Variants in IWS1 observed in about 807,000 individuals in gnomAD.
The protein encoded by IWS1 is interacts with SUPT6H, CTD assembly factor 1, also known as protein IWS1 homolog.
In IWS1, 27 loss-of-function variants were observed where a neutral mutation model predicts 86.7. The observed-to-expected ratio is 0.31, with a 90% confidence interval of 0.23 to 0.43. The LOEUF is 0.43. IWS1 is among the 20% of genes least tolerant of loss of function. IWS1 has a pLI of 1.00. For synonymous variants in IWS1, 313 were observed against 335.1 expected, an observed-to-expected ratio of 0.93 and a Z score of 0.72; for missense variants, 827 against 1,000.8, an observed-to-expected ratio of 0.83 and a Z score of 2.34.
At position 127,505,335 on chromosome 2, in the gene IWS1, G is replaced by A. The variant is rs1691074230; in HGVS notation, c.568C>T (p.Pro190Ser). 1 of 1,613,980 alleles carries A rather than the reference G, an allele frequency of 6.2e-7. No individual in the cohort carries two copies. The highest frequency in any genetic ancestry group is 8.5e-7 in the Non-Finnish European group (1 of 1,179,984). The change falls in exon 3 of 14, where the codon CCC (proline) becomes TCC (serine). Residue 190 changes from proline (P) to serine (S), a missense_variant. By Grantham distance (74) the Pro-to-Ser change is moderately conservative. Around this residue, in one of 2 missense-constraint regions of IWS1, gnomAD observed 548 missense variants for 560.2 expected, o/e 0.98. Coordinates refer to ENST00000295321, the MANE Select transcript of IWS1 (RefSeq NM_017969.3). The surrounding 1 kb of genome is among the most constrained non-coding windows in gnomAD (Gnocchi z 5.0). ...GAGTCACTGGCTTGGTGCCTTGGGG[G>A]TTCCTCACTCTCAGAGTCACTGATT... ...PQISDSESEE[P>S]PRHQASDSEN... is the part of the protein sequence containing the mutation.
chr2:127,525,866 T>G (rs1178929583), intron 1 of IWS1, among the ~76,000 whole-genome samples: 2 of 152,226 alleles, frequency 1.3e-5, no homozygotes, highest in African/African-American at 4.8e-5. Flanking sequence ...ACTCAACTAC[T>G]GAAAACTCTC....
At chr2:127,493,726 A>C (rs966020137) in intron 8 of IWS1, among the ~76,000 whole-genome samples, 1 of 152,070 alleles carries the variant, frequency 6.6e-6, no homozygotes, top group Non-Finnish European at 1.5e-5. Flanking sequence ...TAAAAAAAAA[A>C]AACGTTCAAT....
Position 127,526,458 on chromosome 2 carries a change from C to T in IWS1, c.-250G>A, listed in dbSNP as rs1394607413. ...GGCATGCGAGCCGGCGTTCTACTTC[C>T]TAGAAGCACCGCTGGGGCCAAAATG... On this transcript the variant is annotated 5_prime_UTR_variant, in exon 1 of 14. Transcript: ENST00000295321. 1.3e-6 allele frequency: 2 copies of T among 1,532,160 alleles called. No homozygotes were observed. Among genetic ancestry groups the T allele is most frequent in the East Asian group, 5.0e-5 (2 of 40,166 alleles). 94.9% of individuals were successfully genotyped at this position (1,532,160 alleles called of 1,614,324 possible).
chr2:127,506,229 G>C (rs536953261), intron 2 of IWS1, among the ~76,000 whole-genome samples: 5 of 152,062 alleles, frequency 3.3e-5, no homozygotes, highest in Non-Finnish European at 5.9e-5. Context: ...TTAGCTGGGC[G>C]TGGTGGTGGA....
rs530119695 is a variant in IWS1 at position 127,489,027 on chromosome 2, C to T, written c.2216+152G>A. ...AATTTTCCTTACATCCCCAGAGTAC[C>T]CAATACAATGCTTTGTAGATACTAA... On this transcript the variant is annotated intron_variant, in intron 12 of 13. Coordinates refer to ENST00000295321, the MANE Select transcript of IWS1 (RefSeq NM_017969.3). The surrounding 1 kb of genome is among the most constrained non-coding windows in gnomAD (Gnocchi z 4.8). 211 of 569,656 alleles carry T rather than the reference C, an allele frequency of 3.7e-4. No individual in the cohort carries two copies. The highest frequency in any genetic ancestry group is 6.4e-4 in the Non-Finnish European group (203 of 315,626). 35.3% of individuals were successfully genotyped at this position (569,656 alleles called of 1,614,324 possible). A position where few individuals can be genotyped will look rare whatever the true frequency, so the allele number is the denominator to read the frequency against.
chr2:127,520,765 C>T (rs1165555455), intron 2 of IWS1, among the ~76,000 whole-genome samples: 3 of 152,124 alleles, frequency 2.0e-5, no homozygotes, highest in African/African-American at 4.8e-5. Context: ...AAAATGATCA[C>T]AAATGTTTAT....
At chr2:127,516,280 T>A (rs1691768320) in intron 2 of IWS1, among the ~76,000 whole-genome samples, 1 of 152,052 alleles carries the variant, frequency 6.6e-6, no homozygotes, top group South Asian at 2.1e-4. Context: ...CTCTTCAACC[T>A]GGGCAGTGAG....
intron 1 of IWS1, among the ~76,000 whole-genome samples, chr2:127,525,414 A>T (rs568635261): frequency 1.3e-5 from 2 of 152,140 alleles, no homozygotes; most frequent in African/African-American, 4.8e-5. Flanking sequence ...TTAATTTTCA[A>T]TTTTTGTGGG....
intron 2 of IWS1, chr2:127,506,681 T>A (rs1035178573): frequency 4.2e-5 from 7 of 168,444 alleles, no homozygotes; most frequent in African/African-American, 1.4e-4. Context: ...GATAACAAAA[T>A]TGAGGCTTAC....
chr2:127,524,855 A>G (rs1271460214), intron 1 of IWS1, among the ~76,000 whole-genome samples: 1 of 148,624 alleles, frequency 6.7e-6, no homozygotes, highest in Non-Finnish European at 1.5e-5. Context: ...AACTATTCTG[A>G]AAGTATCAGG....
intron 9 of IWS1, chr2:127,492,615 T>C (rs535455651): frequency 2.0e-5 from 3 of 152,992 alleles, no homozygotes; most frequent in East Asian, 1.9e-4. Flanking sequence ...AACCTAACAA[T>C]GTGAGAAAGT....
intron 12 of IWS1, among the ~76,000 whole-genome samples, chr2:127,488,602 C>T (rs754707518): frequency 2.7e-4 from 41 of 152,216 alleles, no homozygotes; most frequent in Non-Finnish European, 5.4e-4. Flanking sequence ...CCCTCCAATC[C>T]ATCCTACATG....
intron 10 of IWS1, among the ~76,000 whole-genome samples, chr2:127,491,180 C>T (rs554196987): frequency 1.3e-5 from 2 of 152,348 alleles, no homozygotes; most frequent in African/African-American, 4.8e-5. Context: ...GTAACAACAA[C>T]AATGGCTGTT....
chr2:127,503,285 C>T, intron 4 of IWS1, 102 bp downstream of exon 4: 1 of 824,332 alleles, frequency 1.2e-6, no homozygotes, highest in Non-Finnish European at 1.9e-6. Context: ...TACTAAATCC[C>T]CAAAGACATG....
chr2:127,517,663 G>T (rs1691847750), intron 2 of IWS1, among the ~76,000 whole-genome samples: 1 of 152,160 alleles, frequency 6.6e-6, no homozygotes, highest in South Asian at 2.1e-4. Flanking sequence ...AAAATAGTCT[G>T]GCAGTTCCTC....
At chr2:127,517,570 G>C (rs1401013629) in intron 2 of IWS1, among the ~76,000 whole-genome samples, 3 of 152,176 alleles carry the variant, frequency 2.0e-5, no homozygotes, top group Non-Finnish European at 4.4e-5. Flanking sequence ...AAAAAGTCAG[G>C]TAATAATTGC....
At position 127,495,431 on chromosome 2, in the gene IWS1, T is replaced by G. The variant is rs147584098; in HGVS notation, c.1717-477A>C. 3.1e-4 allele frequency among the ~76,000 whole-genome samples: 47 copies of G among 152,322 alleles called. No homozygotes were observed. The East Asian group carries it at 8.9e-3, about 29-fold the overall frequency. On this transcript the variant is annotated intron_variant, in intron 7 of 13. Coordinates refer to ENST00000295321, the MANE Select transcript of IWS1 (RefSeq NM_017969.3). Reference sequence around the variant, plus strand: ...TATAGAATAATATACCTGTTGCATATATTTCAACAACTGAATACACATAGC... The same window carrying G: ...TATAGAATAATATACCTGTTGCATAGATTTCAACAACTGAATACACATAGC...
rs1244657637 is a variant in IWS1 at position 127,526,443 on chromosome 2, C to A, written c.-235G>T. The A allele has an allele frequency of 1.3e-6, 2 of 1,534,312 alleles. No individual in the cohort carries two copies. Among genetic ancestry groups the A allele is most frequent in the Non-Finnish European group, 8.8e-7 (1 of 1,142,776 alleles). ...GCTGGCGGGCGGGCAGGCATGCGAG[C>A]CGGCGTTCTACTTCCTAGAAGCACC... On this transcript the variant is annotated 5_prime_UTR_variant, in exon 1 of 14. Transcript: ENST00000295321.
intron 2 of IWS1, among the ~76,000 whole-genome samples, chr2:127,512,563 T>C (rs1691528003): frequency 6.6e-6 from 1 of 152,224 alleles, no homozygotes. Flanking sequence ...CAAGTCCTTC[T>C]TAATGTTAGG....
Sources: gnomAD v4.1 joint callset for allele counts (sites outside exome capture counted in the v4.1 genomes callset) on GRCh38, gnomAD v4.1.1 for gene constraint, gnomAD v4.1.1 regional missense constraint, Gnocchi (gnomAD v3.1) non-coding constraint, MANE v1.5 for transcripts, NCBI Gene and HGNC (gene_info 2026-07-23, HGNC 2026-07-21) for gene names.